Variants in ZNF532 observed in about 807,000 individuals in gnomAD.
ZNF532 encodes zinc finger protein 532.
ZNF532 carries 22 observed loss-of-function variants against 89.3 expected under a neutral mutation model. That is an observed-to-expected ratio of 0.25 (90% CI 0.18 to 0.35). The LOEUF is 0.35. Ranked by LOEUF, ZNF532 falls within the 10% of genes least tolerant of loss-of-function variation. The probability of loss-of-function intolerance (pLI) is 1.00; values close to 1 mark genes in which losing one functional copy is unlikely to be tolerated. For missense variants in ZNF532, 1,132 were observed against 1,643.4 expected, an observed-to-expected ratio of 0.69 and a Z score of 5.38; for synonymous variants, 606 against 649.6, an observed-to-expected ratio of 0.93 and a Z score of 1.02.
chr18:58,982,416 T>A (rs1221219007), intron 9 of ZNF532, among the ~76,000 whole-genome samples: 2 of 151,428 alleles, frequency 1.3e-5, no homozygotes, highest in African/African-American at 4.9e-5. Flanking sequence ...AGGCTAGGAG[T>A]TCGAGACCAG....
intron 2 of ZNF532, among the ~76,000 whole-genome samples, chr18:58,916,928 G>A (rs1273827928): frequency 2.6e-5 from 4 of 152,168 alleles, no homozygotes; most frequent in African/African-American, 7.2e-5. Flanking sequence ...AGGAGGCAAC[G>A]TGTCAGGGAC....
chr18:58,956,338 C>G (rs1420142189), intron 7 of ZNF532, among the ~76,000 whole-genome samples: 1 of 152,134 alleles, frequency 6.6e-6, no homozygotes, highest in Non-Finnish European at 1.5e-5. Context: ...TGAGGCACAT[C>G]GTATTAGATT....
intron 2 of ZNF532, among the ~76,000 whole-genome samples, chr18:58,869,223 C>T (rs1158708949): frequency 6.6e-6 from 1 of 152,208 alleles, no homozygotes; most frequent in Admixed American, 6.5e-5. Flanking sequence ...ATAAATCCAA[C>T]TTGTAACTCA....
intron 6 of ZNF532, among the ~76,000 whole-genome samples, chr18:58,950,902 C>T (rs556985743): frequency 3.3e-5 from 5 of 152,024 alleles, no homozygotes; most frequent in South Asian, 4.2e-4. Context: ...CCTTCCAGAG[C>T]GCTGAAATTA....
At chr18:58,899,509 C>T (rs2059463102) in intron 2 of ZNF532, among the ~76,000 whole-genome samples, 4 of 152,056 alleles carry the variant, frequency 2.6e-5, no homozygotes, top group Admixed American at 2.6e-4. Context: ...TGCTCTGTCA[C>T]CCAGGCTGGA....
At chr18:58,888,901 A>AATATATAT (rs2058687363) in intron 2 of ZNF532, among the ~76,000 whole-genome samples, 1 of 83,312 alleles carries the variant, frequency 1.2e-5, no homozygotes, top group Non-Finnish European at 2.3e-5. Context: ...TTATATATAT[A>AATATATAT]TATATATATA....
rs186423911 is a variant in ZNF532, at chr18:58,875,574, A to G, written c.-18+9995A>G. The stretch of plus-strand genomic sequence containing the variant: ...ATTCACCTGTCTCCATCACAGGTCT[A>G]CACAGCCACACTGGGTTGGTGTTTG... On this transcript the variant is annotated intron_variant, in intron 2 of 9. Coordinates refer to ENST00000591808, the MANE Select transcript of ZNF532 (RefSeq NM_001375912.1). 3.0e-3 allele frequency among the ~76,000 whole-genome samples: 461 copies of G among 152,280 alleles called. 1 individual carries two copies. Among genetic ancestry groups the G allele is most frequent in the Non-Finnish European group, 4.7e-3 (317 of 68,014 alleles).
intron 7 of ZNF532, among the ~76,000 whole-genome samples, chr18:58,970,317 T>A (rs1323312935): frequency 6.6e-6 from 1 of 152,196 alleles, no homozygotes; most frequent in Non-Finnish European, 1.5e-5. Flanking sequence ...GGAGAAAATA[T>A]TCTGTGTATT....
At chr18:58,904,507 A>C (rs2059802900) in intron 2 of ZNF532, among the ~76,000 whole-genome samples, 1 of 152,182 alleles carries the variant, frequency 6.6e-6, no homozygotes. Context: ...TTGAAACCCC[A>C]GTTATATTGC....
chr18:58,863,829 G>T, upstream of ZNF532: 1 of 152,548 alleles, frequency 6.6e-6, no homozygotes, highest in South Asian at 2.0e-4. Context: ...CCGGACCCAG[G>T]GGCGCGGGTG....
At chr18:58,892,316 C>T (rs2058958266) in intron 2 of ZNF532, among the ~76,000 whole-genome samples, 1 of 152,160 alleles carries the variant, frequency 6.6e-6, no homozygotes, top group South Asian at 2.1e-4. Context: ...ATATCACAAT[C>T]TAAATTTAAA....
rs1603244232 is a variant in ZNF532, at chr18:58,939,546, T to A, written c.2630T>A (p.Met877Lys). Residue 877 changes from methionine (M) to lysine (K), a missense_variant, in exon 5 of 10, where the codon ATG (methionine) becomes AAG (lysine). Physicochemically the swap from Met to Lys is moderately conservative, Grantham distance 95. Transcript: ENST00000591808. The part of the protein sequence containing the change: ...EVFYKCPICP[M>K]AFKSAPSTHS... The stretch of plus-strand genomic sequence containing the variant: ...TTCTACAAGTGTCCTATTTGTCCAA[T>A]GGCGTTTAAGTCTGCCCCAAGCACA... 1 of 1,614,178 alleles carries A rather than the reference T, an allele frequency of 6.2e-7. No homozygotes were observed. Among genetic ancestry groups the A allele is most frequent in the Non-Finnish European group, 8.5e-7 (1 of 1,180,040 alleles).
At chr18:58,980,821 T>C (rs1380457964) in intron 8 of ZNF532, 1 of 152,308 alleles carries the variant, frequency 6.6e-6, no homozygotes, top group East Asian at 1.9e-4. Context: ...TTTGTATTTT[T>C]AGTAGAGACA....
intron 2 of ZNF532, among the ~76,000 whole-genome samples, chr18:58,910,888 T>A (rs539262961): frequency 2.0e-5 from 3 of 152,228 alleles, no homozygotes; most frequent in African/African-American, 7.2e-5. Context: ...GTTTGTTTTT[T>A]TTTTTTAAGA....
At chr18:58,982,711 G>A (rs1463535357) in intron 9 of ZNF532, among the ~76,000 whole-genome samples, 2 of 152,238 alleles carry the variant, frequency 1.3e-5, no homozygotes, top group Non-Finnish European at 1.5e-5. Flanking sequence ...GTAAAAGCTT[G>A]TATGTGCTTT....
chr18:58,976,859 C>T (rs1568464523), intron 7 of ZNF532, among the ~76,000 whole-genome samples: 1 of 152,174 alleles, frequency 6.6e-6, no homozygotes, highest in Non-Finnish European at 1.5e-5. Flanking sequence ...GCATTAGATA[C>T]TAGATTTTTA....
intron 2 of ZNF532, among the ~76,000 whole-genome samples, chr18:58,877,322 C>G (rs1424644607): frequency 6.6e-6 from 1 of 152,132 alleles, no homozygotes; most frequent in Non-Finnish European, 1.5e-5. Flanking sequence ...GTGAAGCTGT[C>G]CTGGGGAAGG....
At chr18:58,889,721 C>G (rs1244866415) in intron 2 of ZNF532, among the ~76,000 whole-genome samples, 1 of 151,676 alleles carries the variant, frequency 6.6e-6, no homozygotes, top group Non-Finnish European at 1.5e-5. Flanking sequence ...TGCGGTGAGC[C>G]GAGGTCACGC....
chr18:58,970,232 T>A (rs1447772062), intron 7 of ZNF532, among the ~76,000 whole-genome samples: 2 of 152,186 alleles, frequency 1.3e-5, no homozygotes, highest in African/African-American at 4.8e-5. Context: ...GAAAAAAATC[T>A]TTCACAGTGA....
Sources: allele counts gnomAD v4.1 joint callset (sites outside exome capture counted in the v4.1 genomes callset), GRCh38; gene constraint gnomAD v4.1.1; transcripts MANE v1.5; gene names NCBI Gene and HGNC (gene_info 2026-07-23, HGNC 2026-07-21).